Variants in PRIMPOL observed in about 807,000 individuals in gnomAD.
PRIMPOL encodes the protein primase and DNA directed polymerase.
Under a neutral mutation model 63.6 loss-of-function variants are expected in PRIMPOL, and 54 were observed. The observed-to-expected ratio is 0.85, with a 90% CI of 0.68 to 1.07. The LOEUF (loss-of-function observed/expected upper bound fraction) is 1.07, where lower values mean the gene tolerates loss of function less well. PRIMPOL is among the 50% of genes least tolerant of loss of function. PRIMPOL has a pLI of 0.00. For synonymous variants in PRIMPOL, 197 were observed against 220.2 expected, an observed-to-expected ratio of 0.89 and a Z score of 0.93; for missense variants, 610 against 648.3, an observed-to-expected ratio of 0.94 and a Z score of 0.64.
Position 184,689,103 on chromosome 4 carries a change from G to A in PRIMPOL, c.1296-2396G>A, listed in dbSNP as rs569124103. Among the ~76,000 whole-genome samples, 12 of 152,234 alleles carry A rather than the reference G, an allele frequency of 7.9e-5. No homozygotes were observed. In the South Asian group the frequency reaches 2.1e-3, roughly 26 times the overall value. On this transcript the variant is annotated intron_variant, in intron 11 of 13. Coordinates refer to ENST00000314970, the MANE Select transcript of PRIMPOL (RefSeq NM_152683.4). Reference sequence around the variant, plus strand: ...CCTGTCGCCCAGGCTTGAGTGCAGTGTGATGGCCCAGGCTTGAGGACAGAG... The same window carrying A: ...CCTGTCGCCCAGGCTTGAGTGCAGTATGATGGCCCAGGCTTGAGGACAGAG...
chr4:184,677,922 G>T (rs546043305), intron 7 of PRIMPOL, among the ~76,000 whole-genome samples: 1 of 151,988 alleles, frequency 6.6e-6, no homozygotes, highest in Non-Finnish European at 1.5e-5. Flanking sequence ...ATTTAGCTCC[G>T]CACAGCTTCA....
At chr4:184,675,526 A>G (rs72689284) in intron 7 of PRIMPOL, among the ~76,000 whole-genome samples, 15,087 of 152,148 alleles carry the variant, frequency 0.099, 936 homozygotes, top group Middle Eastern at 0.16. Flanking sequence ...AAATTTTCCA[A>G]TATCCTTATT....
chr4:184,669,413 C>A (rs1431196845), intron 6 of PRIMPOL, among the ~76,000 whole-genome samples: 1 of 152,206 alleles, frequency 6.6e-6, no homozygotes, highest in African/African-American at 2.4e-5. Context: ...CTGAATAAAT[C>A]CCTTCCAAAT....
chr4:184,684,579 C>T lies in PRIMPOL; in HGVS notation c.1097-830C>T, dbSNP rs9992234. On this transcript the variant is annotated intron_variant, in intron 9 of 13. Coordinates refer to ENST00000314970, the MANE Select transcript of PRIMPOL (RefSeq NM_152683.4). ...CAGCTAAAGGTCTCAGGGCACACACCTGTAGCAGGTCAGCTGAGTGTATTG... is the reference window on the plus strand; with the variant it reads ...CAGCTAAAGGTCTCAGGGCACACACTTGTAGCAGGTCAGCTGAGTGTATTG... Among the ~76,000 whole-genome samples the T allele has an allele frequency of 6.7e-3, 1,020 of 152,132 alleles. 15 individuals are homozygous for T. The highest frequency in any genetic ancestry group is 0.039 in the South Asian group (187 of 4,812).
Position 184,681,843 on chromosome 4 carries a change from G to A in PRIMPOL, c.1008-405G>A, listed in dbSNP as rs140256634. On this transcript the variant is annotated intron_variant, in intron 8 of 13. Coordinates refer to ENST00000314970, the MANE Select transcript of PRIMPOL (RefSeq NM_152683.4). ...CCCATCTCAGCCTCCCAAAGTCCTG[G>A]GATTATAGGCGTGAGCCACTGCATC... Among the ~76,000 whole-genome samples the A allele has an allele frequency of 2.3e-3, 346 of 152,188 alleles. 1 individual carries two copies. Among genetic ancestry groups the A allele is most frequent in the African/African-American group, 7.7e-3 (320 of 41,526 alleles).
At chr4:184,667,193 G>C (rs4862401) in intron 6 of PRIMPOL, among the ~76,000 whole-genome samples, 94,229 of 152,046 alleles carry the variant, frequency 0.62, 29,759 homozygotes, top group Non-Finnish European at 0.68. Context: ...CTCGTCACCT[G>C]CCTGTTTCCT....
At chr4:184,650,911 T>G (rs1287687042) in intron 1 of PRIMPOL, among the ~76,000 whole-genome samples, 2 of 152,212 alleles carry the variant, frequency 1.3e-5, no homozygotes, top group African/African-American at 2.4e-5. Flanking sequence ...CATAATACAT[T>G]TGTTTGTTTC....
intron 11 of PRIMPOL, among the ~76,000 whole-genome samples, chr4:184,690,938 A>G (rs1052573805): frequency 6.6e-6 from 1 of 152,200 alleles, no homozygotes; most frequent in Admixed American, 6.5e-5. Context: ...TTTTATTTCT[A>G]AAATTTGCTT....
At chr4:184,687,915 C>T (rs1363010856) in intron 11 of PRIMPOL, among the ~76,000 whole-genome samples, 3 of 152,242 alleles carry the variant, frequency 2.0e-5, no homozygotes, top group African/African-American at 4.8e-5. Context: ...CGTGCCCGGC[C>T]ATAAACAATA....
intron 11 of PRIMPOL, among the ~76,000 whole-genome samples, chr4:184,689,648 G>T (rs1049380093): frequency 6.6e-6 from 1 of 151,532 alleles, no homozygotes; most frequent in African/African-American, 2.4e-5. Flanking sequence ...TAGAGATGCG[G>T]TTTCACCATG....
chr4:184,693,836 A>G (rs925603326), intron 13 of PRIMPOL, among the ~76,000 whole-genome samples: 3 of 151,944 alleles, frequency 2.0e-5, no homozygotes, highest in Non-Finnish European at 2.9e-5. Flanking sequence ...AGAATAAGAC[A>G]TTCTGTAGCT....
intron 6 of PRIMPOL, among the ~76,000 whole-genome samples, chr4:184,669,296 A>G: frequency 6.6e-6 from 1 of 152,212 alleles, no homozygotes; most frequent in Non-Finnish European, 1.5e-5. Context: ...GACCAAAGTC[A>G]CAGAGCTGGC....
At chr4:184,659,681 A>G (rs1747721595) in intron 4 of PRIMPOL, among the ~76,000 whole-genome samples, 1 of 152,176 alleles carries the variant, frequency 6.6e-6, no homozygotes, top group African/African-American at 2.4e-5. Flanking sequence ...GAGTTTTGAA[A>G]TTTCTCTTTT....
At chr4:184,661,322 T>C (rs2150051852) in intron 4 of PRIMPOL, among the ~76,000 whole-genome samples, 1 of 152,330 alleles carries the variant, frequency 6.6e-6, no homozygotes, top group East Asian at 1.9e-4. Flanking sequence ...GAACAGTTCA[T>C]TTTATCATGT....
At chr4:184,665,502 C>CTTTT (rs780043138) in intron 5 of PRIMPOL, among the ~76,000 whole-genome samples, 1 of 133,926 alleles carries the variant, frequency 7.5e-6, no homozygotes. Context: ...GAATTAATGA[C>CTTTT]TTTTTTTTTT....
At position 184,694,903 on chromosome 4, in the gene PRIMPOL, G is replaced by T. The variant is rs796798501; in HGVS notation, c.*124G>T. The T allele has an allele frequency of 2.3e-6, 2 of 857,104 alleles. No individual in the cohort carries two copies. Among genetic ancestry groups the T allele is most frequent in the South Asian group, 4.2e-5 (2 of 47,698 alleles). 53.1% of individuals were successfully genotyped at this position (857,104 alleles called of 1,614,324 possible). A position where few individuals can be genotyped will look rare whatever the true frequency, so the allele number is the denominator to read the frequency against. The stretch of plus-strand genomic sequence containing the variant: ...TTTATTACTTTGCTTTCCAATTTTT[G>T]TTTTTTACTTCTGTAAACCAATTTC... On this transcript the variant is annotated 3_prime_UTR_variant, in exon 14 of 14. Coordinates refer to ENST00000314970, the MANE Select transcript of PRIMPOL (RefSeq NM_152683.4).
intron 3 of PRIMPOL, 52 bp from the exon 4 acceptor site, chr4:184,659,287 GT>G: frequency 4.4e-6 from 6 of 1,351,590 alleles, no homozygotes; most frequent in Non-Finnish European, 5.3e-6. Flanking sequence ...CTACAGTTGA[GT>G]TTAGGTTTGC....
intron 7 of PRIMPOL, among the ~76,000 whole-genome samples, chr4:184,674,065 C>T (rs1004685980): frequency 3.3e-5 from 5 of 152,126 alleles, no homozygotes; most frequent in Non-Finnish European, 7.4e-5. Context: ...CCAGGGAGAG[C>T]GGCAGTGGCC....
chr4:184,651,516 A>T (rs185995923), intron 1 of PRIMPOL, among the ~76,000 whole-genome samples: 1 of 152,268 alleles, frequency 6.6e-6, no homozygotes, highest in Admixed American at 6.5e-5. Flanking sequence ...CAAAGAGGGG[A>T]CTAGTGTGGT....
Sources: gnomAD v4.1 joint callset for allele counts (sites outside exome capture counted in the v4.1 genomes callset) on GRCh38, gnomAD v4.1.1 for gene constraint, MANE v1.5 for transcripts, NCBI Gene and HGNC (gene_info 2026-07-23, HGNC 2026-07-21) for gene names.